Variants in USP31 observed in about 807,000 individuals in gnomAD.
The protein encoded by USP31 is ubiquitin carboxyl-terminal hydrolase 31.
Under a neutral mutation model 119.4 loss-of-function variants are expected in USP31, and 44 were observed. The ratio of observed to expected loss-of-function variants is 0.37; its 90% CI spans 0.29 to 0.47. USP31 has a LOEUF of 0.47. Among genes scored for constraint, USP31 ranks in the 20% least tolerant of loss-of-function variants. The pLI, the probability that USP31 is intolerant of heterozygous loss-of-function variation, is 0.99. For missense variants in USP31, 1,643 were observed against 1,730.2 expected, an observed-to-expected ratio of 0.95 and a Z score of 0.89; for synonymous variants, 749 against 705.6, an observed-to-expected ratio of 1.06 and a Z score of -0.97.
intron 1 of USP31, among the ~76,000 whole-genome samples, chr16:23,118,820 CT>C (rs1413003883): frequency 2.0e-5 from 3 of 151,784 alleles, no homozygotes; most frequent in Admixed American, 2.0e-4. Flanking sequence ...AAAATTCACC[CT>C]TAATGGCTGG....
intron 10 of USP31, 151 bp from the exon 11 acceptor site, chr16:23,085,140 C>T (rs1901052055): frequency 2.4e-5 from 28 of 1,150,080 alleles, no homozygotes; most frequent in Non-Finnish European, 3.3e-5. Flanking sequence ...CCCAACTTTT[C>T]TATATTCCAA....
At chr16:23,140,437 T>C (rs1427011366) in intron 1 of USP31, among the ~76,000 whole-genome samples, 1 of 152,080 alleles carries the variant, frequency 6.6e-6, no homozygotes, top group Non-Finnish European at 1.5e-5. Flanking sequence ...AACAAAGAAT[T>C]AGCCAGCCCA....
chr16:23,086,294 A>C (rs920431165), intron 9 of USP31, among the ~76,000 whole-genome samples: 2 of 152,172 alleles, frequency 1.3e-5, no homozygotes, highest in Non-Finnish European at 2.9e-5. Flanking sequence ...CTTTTTTAGA[A>C]TCCTGAAATA....
intron 14 of USP31, 82 bp from the exon 15 acceptor site, chr16:23,072,279 T>TA: frequency 6.5e-7 from 1 of 1,533,732 alleles, no homozygotes; most frequent in Non-Finnish European, 8.8e-7. Flanking sequence ...ATGAAGGTGT[T>TA]ACGAGCTGAG....
intron 7 of USP31, among the ~76,000 whole-genome samples, chr16:23,089,316 T>A (rs1326609246): frequency 1.3e-5 from 2 of 152,134 alleles, no homozygotes; most frequent in Non-Finnish European, 2.9e-5. Flanking sequence ...CCTCCCACCA[T>A]CACACTCTAT....
At position 23,065,033 on chromosome 16, in the gene USP31, C is replaced by T. The variant is rs1369376223; in HGVS notation, c.*3013G>A. On this transcript the variant is annotated 3_prime_UTR_variant, in exon 16 of 16. Transcript: ENST00000219689. ...GACTGGAGCCTAACGGTTTGAGTTT[C>T]CACATTATCTAAGGGATTACCAAGG... 1 of 152,120 alleles carries T rather than the reference C, an allele frequency of 6.6e-6. No homozygotes were observed. Among genetic ancestry groups the T allele is most frequent in the African/African-American group, 2.4e-5 (1 of 41,408 alleles). The allele number at this position is 152,120 out of a possible 1,614,324, so 9.4% of individuals were successfully genotyped here.
intron 1 of USP31, among the ~76,000 whole-genome samples, chr16:23,118,630 C>T (rs1373996048): frequency 6.6e-6 from 1 of 152,156 alleles, no homozygotes; most frequent in East Asian, 1.9e-4. Flanking sequence ...ATCTCTAGGA[C>T]ATACCATCTC....
intron 1 of USP31, among the ~76,000 whole-genome samples, chr16:23,128,875 G>GT (rs1306930256): frequency 2.0e-5 from 3 of 152,326 alleles, no homozygotes; most frequent in African/African-American, 7.2e-5. Flanking sequence ...TACATGGACA[G>GT]AGGAACATCT....
intron 14 of USP31, 96 bp from the exon 15 acceptor site, chr16:23,072,293 G>C: frequency 6.6e-7 from 1 of 1,519,582 alleles, no homozygotes; most frequent in Non-Finnish European, 8.8e-7. Context: ...AGCTGAGCTG[G>C]GGGGCGTTGA....
chr16:23,104,820 G>A (rs1902024864), intron 5 of USP31, among the ~76,000 whole-genome samples: 1 of 152,140 alleles, frequency 6.6e-6, no homozygotes, highest in African/African-American at 2.4e-5. Flanking sequence ...AAAGCTATAT[G>A]CAAAAACATG....
intron 5 of USP31, among the ~76,000 whole-genome samples, chr16:23,103,003 T>G (rs1433152137): frequency 1.3e-5 from 2 of 152,338 alleles, no homozygotes; most frequent in East Asian, 3.9e-4. Flanking sequence ...TGGATTTTGG[T>G]ATCCTAGTGC....
At chr16:23,138,811 C>T (rs541811776) in intron 1 of USP31, among the ~76,000 whole-genome samples, 19 of 152,298 alleles carry the variant, frequency 1.2e-4, no homozygotes, top group Admixed American at 8.5e-4. Context: ...CTTCAAGACA[C>T]GGAGCAGGTA....
chr16:23,130,171 T>C (rs1199623349), intron 1 of USP31, among the ~76,000 whole-genome samples: 1 of 152,186 alleles, frequency 6.6e-6, no homozygotes, highest in Admixed American at 6.5e-5. Flanking sequence ...ATGAGAAAGC[T>C]TAAATACCAA....
chr16:23,122,812 G>C (rs1204513203), intron 1 of USP31, among the ~76,000 whole-genome samples: 2 of 152,104 alleles, frequency 1.3e-5, no homozygotes, highest in Non-Finnish European at 2.9e-5. Context: ...GGGAGTGACT[G>C]CTAATGAGTA....
At chr16:23,087,315 T>A in intron 8 of USP31, 129 bp from the exon 9 acceptor site, 1 of 766,862 alleles carries the variant, frequency 1.3e-6, no homozygotes. Context: ...ACTATAAGAT[T>A]CTATAAGGTT....
At chr16:23,074,874 C>T (rs1596685385) in intron 13 of USP31, among the ~76,000 whole-genome samples, 1 of 152,318 alleles carries the variant, frequency 6.6e-6, no homozygotes, top group African/African-American at 2.4e-5. Context: ...ACATTATGAT[C>T]ACATTTTCTA....
chr16:23,082,238 C>G (rs1012059791), intron 12 of USP31, among the ~76,000 whole-genome samples, 200 bp downstream of exon 12: 2 of 152,162 alleles, frequency 1.3e-5, no homozygotes, highest in Non-Finnish European at 2.9e-5. Context: ...TATCTGCAAT[C>G]TGAACTAAAA....
chr16:23,064,765 A>G lies in USP31; in HGVS notation c.*3281T>C, dbSNP rs1321934049. 1.3e-5 allele frequency: 2 copies of G among 152,204 alleles called. No individual in the cohort carries two copies. Among genetic ancestry groups the G allele is most frequent in the African/African-American group, 2.4e-5 (1 of 41,432 alleles). 9.4% of individuals were successfully genotyped at this position (152,204 alleles called of 1,614,324 possible). ...TCCCAGGGCTCCTCAGCTACAGCAA[A>G]TCCCTGAAGCTTTCAGTTTTGCCTC... On this transcript the variant is annotated 3_prime_UTR_variant, in exon 16 of 16. Transcript: ENST00000219689.
chr16:23,137,801 A>G (rs1903238242), intron 1 of USP31, among the ~76,000 whole-genome samples: 1 of 151,658 alleles, frequency 6.6e-6, no homozygotes, highest in Non-Finnish European at 1.5e-5. Flanking sequence ...CAAACAAACA[A>G]AAAAAAGAGT....
Sources: gnomAD v4.1 joint callset for allele counts (sites outside exome capture counted in the v4.1 genomes callset) on GRCh38, gnomAD v4.1.1 for gene constraint, MANE v1.5 for transcripts, NCBI Gene and HGNC (gene_info 2026-07-23, HGNC 2026-07-21) for gene names.